Variants in MYRF observed in about 807,000 individuals in gnomAD.
MYRF encodes myelin regulatory factor.
MYRF carries 16 observed loss-of-function variants against 126.3 expected under a neutral mutation model. The observed-to-expected ratio is 0.13, with a 90% CI of 0.09 to 0.19. MYRF has a LOEUF of 0.19. Among genes scored for constraint, MYRF ranks in the 10% least tolerant of loss-of-function variants. The probability of loss-of-function intolerance (pLI) is 1.00; values close to 1 mark genes in which losing one functional copy is unlikely to be tolerated. For synonymous variants in MYRF, 608 were observed against 635.3 expected (o/e 0.96, Z 0.65); for missense variants, 1,104 against 1,547.0 (o/e 0.71, Z 4.80).
At position 61,757,135 on chromosome 11, in the gene MYRF, T is replaced by C. The variant is rs1375565116; in HGVS notation, c.46+4345T>C. 6.6e-6 allele frequency: 3 copies of C among 456,432 alleles called. No homozygotes were observed. The highest frequency in any genetic ancestry group is 1.3e-5 in the Non-Finnish European group (3 of 226,510). 28.3% of individuals were successfully genotyped at this position (456,432 alleles called of 1,614,324 possible). On this transcript the variant is annotated intron_variant, in intron 1 of 26. Transcript: ENST00000278836. The surrounding 1 kb of genome is among the most constrained non-coding windows in gnomAD (Gnocchi z 4.7). ...GCACCTTCCTGGGCCTCAGTTTCTC[T>C]CATTGCCTTGGGTGCTGGAGTATGT...
chr11:61,784,802 C>T (rs2066652025), intron 25 of MYRF: 1 of 161,988 alleles, frequency 6.2e-6, no homozygotes, highest in African/African-American at 2.4e-5. Flanking sequence ...GAGGGCCCCT[C>T]AGGTTCCATG....
chr11:61,783,126 T>G lies in MYRF; in HGVS notation c.3017-372T>G, dbSNP rs2135888765. ...GGGGAGCCTGATTTGTGTGATGCTGTCAACACTGCTGATTTCAAGCTACCA... is the reference window on the plus strand; with the variant it reads ...GGGGAGCCTGATTTGTGTGATGCTGGCAACACTGCTGATTTCAAGCTACCA... On this transcript the variant is annotated intron_variant, in intron 22 of 26. Coordinates refer to ENST00000278836, the MANE Select transcript of MYRF (RefSeq NM_001127392.3). The surrounding 1 kb of genome is among the most constrained non-coding windows in gnomAD (Gnocchi z 4.6). 1 of 188,238 alleles carries G rather than the reference T, an allele frequency of 5.3e-6. No individual in the cohort carries two copies. The highest frequency in any genetic ancestry group is 1.1e-5 in the Non-Finnish European group (1 of 89,602). The allele number at this position is 188,238 out of a possible 1,614,324, so 11.7% of individuals were successfully genotyped here. A position where few individuals can be genotyped will look rare whatever the true frequency, so the allele number is the denominator to read the frequency against.
rs757792091 is a variant in MYRF at position 61,757,599 on chromosome 11, A to T, written c.46+4809A>T. 1 of 455,886 alleles carries T rather than the reference A, an allele frequency of 2.2e-6. No homozygotes were observed. Among genetic ancestry groups the T allele is most frequent in the South Asian group, 1.5e-5 (1 of 64,526 alleles). The allele number at this position is 455,886 out of a possible 1,614,324, so 28.2% of individuals were successfully genotyped here. A position where few individuals can be genotyped will look rare whatever the true frequency, so the allele number is the denominator to read the frequency against. ...GCCTGAACCATGACAGCTCTGGCCC[A>T]GCGTGGCCTGGTCCTGGTCCCTGGC... On this transcript the variant is annotated intron_variant, in intron 1 of 26. Transcript: ENST00000278836. This position sits in a 1 kb window ranked among gnomAD's most constrained non-coding sequence, Gnocchi z 4.7.
intron 24 of MYRF, 176 bp from the exon 25 acceptor site, chr11:61,784,104 T>A: frequency 1.0e-6 from 1 of 966,188 alleles, no homozygotes; most frequent in Non-Finnish European, 1.6e-6. Flanking sequence ...CCTGGCCTCA[T>A]GGGCTGAGGA....
intron 22 of MYRF, chr11:61,782,535 T>C (rs1199748195): frequency 6.6e-6 from 1 of 152,244 alleles, no homozygotes; most frequent in South Asian, 2.1e-4. Flanking sequence ...TACAGGGGAC[T>C]GGGGGTGATG....
intron 8 of MYRF, among the ~76,000 whole-genome samples, chr11:61,775,398 A>T (rs1194477144): frequency 6.6e-6 from 1 of 152,138 alleles, no homozygotes; most frequent in Non-Finnish European, 1.5e-5. Flanking sequence ...CTCTCCAGGC[A>T]GACTCCATGC....
intron 4 of MYRF, among the ~76,000 whole-genome samples, chr11:61,769,708 G>A (rs1014483359): frequency 5.3e-5 from 8 of 152,152 alleles, no homozygotes; most frequent in African/African-American, 1.4e-4. Context: ...GAACCACCGC[G>A]GGAGCAGGCT....
rs1462699197 is a variant in MYRF, at chr11:61,787,454, C to A, written c.*1311C>A. 6.5e-6 allele frequency: 1 copy of A among 152,708 alleles called. No homozygotes were observed. The highest frequency in any genetic ancestry group is 1.5e-5 in the Non-Finnish European group (1 of 68,082). The allele number at this position is 152,708 out of a possible 1,614,324, so 9.5% of individuals were successfully genotyped here. A position where few individuals can be genotyped will look rare whatever the true frequency, so the allele number is the denominator to read the frequency against. On this transcript the variant is annotated 3_prime_UTR_variant, in exon 27 of 27. Transcript: ENST00000278836. The stretch of plus-strand genomic sequence containing the variant: ...CAGAAATGGGAAAGGGAATTGCTGT[C>A]CTTGCCCTGTGGTATGCTGCCACCT...
At chr11:61,785,736 G>A in intron 25 of MYRF, 64 bp from the exon 26 acceptor site, 1 of 1,402,770 alleles carries the variant, frequency 7.1e-7, no homozygotes, top group Non-Finnish European at 1.0e-6. Flanking sequence ...GACGGCCGTG[G>A]TGAGAGATGC....
chr11:61,770,430 C>A lies in MYRF; in HGVS notation c.645C>A (p.His215Gln). The A allele has an allele frequency of 6.4e-7, 1 of 1,557,918 alleles. No homozygotes were observed. Residue 215 changes from histidine to glutamine, a missense_variant, in exon 5 of 27, where the codon CAC becomes CAA. Coordinates refer to ENST00000278836, the MANE Select transcript of MYRF (RefSeq NM_001127392.3). ...TGAAGGCCGAGCCCCCGATCCCCCACTACGCTGCCATGGGGCAGGGGCTGG... is the reference window on the plus strand; with the variant it reads ...TGAAGGCCGAGCCCCCGATCCCCCAATACGCTGCCATGGGGCAGGGGCTGG... ...LYMKAEPPIPHYAAMGQGLVP... is the reference protein window; with the variant it reads ...LYMKAEPPIPQYAAMGQGLVP...
At chr11:61,754,972 C>T (rs374650287) in intron 1 of MYRF, among the ~76,000 whole-genome samples, 3 of 152,120 alleles carry the variant, frequency 2.0e-5, no homozygotes, top group Non-Finnish European at 4.4e-5. Flanking sequence ...TGCGAGGGAG[C>T]GGGAAGTTGT....
In MYRF at chr11:61,784,403, G is replaced by C; in HGVS notation, c.3300+18G>C. 1 of 1,604,536 alleles carries C rather than the reference G, an allele frequency of 6.2e-7. No homozygotes were observed. Among genetic ancestry groups the C allele is most frequent in the Non-Finnish European group, 8.5e-7 (1 of 1,173,740 alleles). On this transcript the variant is annotated intron_variant, in intron 25 of 26. Coordinates refer to ENST00000278836, the MANE Select transcript of MYRF (RefSeq NM_001127392.3). ...ACACCCAGGTAGGTGGGACTGGGAAGCTGCGGGCCGGCCAGGCCCGAGCTG... is the reference window on the plus strand; with the variant it reads ...ACACCCAGGTAGGTGGGACTGGGAACCTGCGGGCCGGCCAGGCCCGAGCTG...
chr11:61,767,642 G>A (rs1420039449), intron 3 of MYRF: 6 of 343,548 alleles, frequency 1.7e-5, no homozygotes, highest in Admixed American at 3.9e-5. Context: ...TCTGCAACAT[G>A]ATGAAACCCC....
chr11:61,770,870 C>T (rs1444912483), intron 5 of MYRF, among the ~76,000 whole-genome samples: 2 of 152,146 alleles, frequency 1.3e-5, no homozygotes, highest in African/African-American at 2.4e-5. Context: ...AGTGATTTTG[C>T]AGCTGTCTCA....
At position 61,781,571 on chromosome 11, in the gene MYRF, A is replaced by G. The variant is rs769178415; in HGVS notation, c.2765-2A>G. ...TTAGCCTGTGCCTGGTTCTATCCAC[A>G]GGCCCCAGCCAGATGGCCCTTCTGC... On this transcript the variant is annotated splice_acceptor_variant, in intron 21 of 26. Transcript: ENST00000278836. LOFTEE classifies it high-confidence loss of function. 1 of 1,612,714 alleles carries G rather than the reference A, an allele frequency of 6.2e-7. No homozygotes were observed. The highest frequency in any genetic ancestry group is 8.5e-7 in the Non-Finnish European group (1 of 1,179,580).
At chr11:61,773,379 G>A (rs1277918785) in intron 7 of MYRF, among the ~76,000 whole-genome samples, 1 of 152,220 alleles carries the variant, frequency 6.6e-6, no homozygotes, top group African/African-American at 2.4e-5. Context: ...CTGAGGCTGA[G>A]TCTGAGGGAG....
At chr11:61,765,484 C>G in intron 1 of MYRF, 141 bp from the exon 2 acceptor site, 1 of 635,380 alleles carries the variant, frequency 1.6e-6, no homozygotes, top group Non-Finnish European at 2.7e-6. Flanking sequence ...GAGCCGGCCC[C>G]CACATGGATA....
rs536574813 is a variant in MYRF at position 61,776,291 on chromosome 11, G to T, written c.1389-31G>T. On this transcript the variant is annotated intron_variant, in intron 9 of 26. Coordinates refer to ENST00000278836, the MANE Select transcript of MYRF (RefSeq NM_001127392.3). The surrounding 1 kb of genome is among the most constrained non-coding windows in gnomAD (Gnocchi z 4.3). The stretch of plus-strand genomic sequence containing the variant: ...CGTGGCTCTTGCAGCCTCCCTCCCT[G>T]CCCCCTGAGCACCCTGCCTCTCCTC... 6.3e-6 allele frequency: 10 copies of T among 1,595,714 alleles called. No homozygotes were observed. In the South Asian group the frequency reaches 8.9e-5, roughly 14 times the overall value.
At position 61,778,726 on chromosome 11, in the gene MYRF, T is replaced by C. The variant is rs1254935813; in HGVS notation, c.2013+237T>C. 1.2e-5 allele frequency: 8 copies of C among 647,150 alleles called. No homozygotes were observed. In the Admixed American group the frequency reaches 1.5e-4, roughly 12 times the overall value. The allele number at this position is 647,150 out of a possible 1,614,324, so 40.1% of individuals were successfully genotyped here. On this transcript the variant is annotated intron_variant, in intron 14 of 26. Transcript: ENST00000278836. The surrounding 1 kb of genome is among the most constrained non-coding windows in gnomAD (Gnocchi z 4.6). ...GTGTGATCAAGGGCAAGAGAAACCC[T>C]GTGGAGGGCCATGGCCTTCCACCCC... is the stretch of plus-strand genomic sequence containing the variant.
Sources: gnomAD v4.1 joint callset for allele counts (sites outside exome capture counted in the v4.1 genomes callset) on GRCh38, gnomAD v4.1.1 for gene constraint, Gnocchi (gnomAD v3.1) non-coding constraint, MANE v1.5 for transcripts, NCBI Gene and HGNC (gene_info 2026-07-23, HGNC 2026-07-21) for gene names.